CRPPA: variants seen among roughly 807,000 people sequenced by gnomAD.
CRPPA encodes the protein D-ribitol-5-phosphate cytidylyltransferase.
A neutral mutation model predicts 52.0 loss-of-function variants in CRPPA; 43 were observed. The ratio of observed to expected loss-of-function variants is 0.83; its 90% CI spans 0.65 to 1.07. The LOEUF (loss-of-function observed/expected upper bound fraction) is 1.07. Ranked by LOEUF, CRPPA falls within the 50% of genes least tolerant of loss-of-function variation. The pLI, the probability that CRPPA is intolerant of heterozygous loss-of-function variation, is 0.00. For missense variants in CRPPA, 629 were observed against 551.7 expected (o/e 1.14, Z -1.40); for synonymous variants, 250 against 203.5 (o/e 1.23, Z -1.94).
rs1241010922 is a variant in CRPPA at position 16,241,970 on chromosome 7, T to TTTTTTTTTTTG, written c.1119+16419_1119+16420insCAAAAAAAAAA. Among the ~76,000 whole-genome samples the TTTTTTTTTTTG allele has an allele frequency of 4.7e-4, 49 of 104,906 alleles. 7 individuals carry two copies. Among genetic ancestry groups the TTTTTTTTTTTG allele is most frequent in the East Asian group, 1.4e-3 (5 of 3,532 alleles). 68.8% of individuals were successfully genotyped at this position (104,906 alleles called of 152,430 possible). ...TCTTTTTTTTTTTTTTTTTTTTTTG[T>TTTTTTTTTTTG]TGGGGGGAGATAGAGTCTCGCTCTG... is the stretch of plus-strand genomic sequence containing the variant. On this transcript the variant is annotated intron_variant, in intron 8 of 9. Transcript: ENST00000407010.
intron 3 of CRPPA, among the ~76,000 whole-genome samples, chr7:16,327,897 C>T (rs1583522804): frequency 6.6e-6 from 1 of 152,178 alleles, no homozygotes; most frequent in East Asian, 1.9e-4. Flanking sequence ...CTAGGTGTGT[C>T]CCCAACACCA....
At chr7:16,238,795 CA>C (rs1221837512) in intron 8 of CRPPA, among the ~76,000 whole-genome samples, 1 of 151,976 alleles carries the variant, frequency 6.6e-6, no homozygotes, top group African/African-American at 2.4e-5. Context: ...CATATGAAAG[CA>C]AAAAGACTTC....
intron 9 of CRPPA, among the ~76,000 whole-genome samples, chr7:16,128,895 T>C (rs1782630746): frequency 6.6e-6 from 1 of 152,112 alleles, no homozygotes; most frequent in Non-Finnish European, 1.5e-5. Context: ...ATGATCCCAA[T>C]AACAGAAAAT....
chr7:16,342,782 A>AAAAAAAAAAAAAATAT (rs1554335212), intron 3 of CRPPA, among the ~76,000 whole-genome samples: 4 of 76,542 alleles, frequency 5.2e-5, no homozygotes, highest in South Asian at 2.9e-4. Flanking sequence ...AAAAAAAAAA[A>AAAAAAAAAAAAAATAT]ATATATATAT....
intron 8 of CRPPA, among the ~76,000 whole-genome samples, chr7:16,228,465 T>A (rs1782708140): frequency 6.6e-6 from 1 of 151,934 alleles, no homozygotes; most frequent in African/African-American, 2.4e-5. Flanking sequence ...TTAGAACTGC[T>A]TTTACTGTAT....
chr7:16,159,708 C>T lies in CRPPA; in HGVS notation c.1251+56358G>A, dbSNP rs367641527. Among the ~76,000 whole-genome samples the T allele has an allele frequency of 1.2e-4, 18 of 152,240 alleles. 1 individual carries two copies. The South Asian group carries it at 3.3e-3, about 28-fold the overall frequency. ...CTTCATAGCAGAATAATTTATAATC[C>T]TTTGGATATATACACAGTAATGGGA... On this transcript the variant is annotated intron_variant, in intron 9 of 9. Transcript: ENST00000407010.
intron 5 of CRPPA, among the ~76,000 whole-genome samples, chr7:16,283,530 T>C (rs1011391870): frequency 6.0e-5 from 9 of 150,960 alleles, no homozygotes; most frequent in Non-Finnish European, 1.0e-4. Context: ...TGTGTATATA[T>C]ATATCTATAG....
At chr7:16,401,859 C>A (rs1218482480) in intron 2 of CRPPA, among the ~76,000 whole-genome samples, 1 of 150,108 alleles carries the variant, frequency 6.7e-6, no homozygotes, top group Non-Finnish European at 1.5e-5. Context: ...ACACCTCTTT[C>A]ATTAAAAAAA....
At chr7:16,098,160 C>T (rs1388232720) in intron 9 of CRPPA, among the ~76,000 whole-genome samples, 1 of 152,110 alleles carries the variant, frequency 6.6e-6, no homozygotes, top group African/African-American at 2.4e-5. Flanking sequence ...GGTGGAATGC[C>T]ATCTCAAAGA....
chr7:16,334,671 C>T (rs914046105), intron 3 of CRPPA, among the ~76,000 whole-genome samples: 1 of 152,124 alleles, frequency 6.6e-6, no homozygotes, highest in East Asian at 1.9e-4. Flanking sequence ...ACAGCCTCAA[C>T]TGACGACAAA....
chr7:16,311,040 T>C (rs1785024147), intron 3 of CRPPA, among the ~76,000 whole-genome samples: 1 of 152,146 alleles, frequency 6.6e-6, no homozygotes, highest in African/African-American at 2.4e-5. Flanking sequence ...ACTTTAAATA[T>C]TAGGTTCATA....
At chr7:16,334,266 G>A (rs1785626097) in intron 3 of CRPPA, among the ~76,000 whole-genome samples, 1 of 152,192 alleles carries the variant, frequency 6.6e-6, no homozygotes, top group African/African-American at 2.4e-5. Context: ...CAGCGATTAT[G>A]TGCACAGGGG....
intron 3 of CRPPA, among the ~76,000 whole-genome samples, chr7:16,347,789 A>C (rs10243261): frequency 0.021 from 3,219 of 152,208 alleles, 106 homozygotes; most frequent in African/African-American, 0.072. Flanking sequence ...AATTCCCAGC[A>C]CCCAGCTTCT....
chr7:16,416,681 C>CAA lies in CRPPA; in HGVS notation c.257+4383_257+4384dup, dbSNP rs61476408. Reference sequence around the variant, plus strand: ...AAAACCCCATTTCTACAAACAAATACAAAAAAAAAAATTATCTGGGCATGG... The same window carrying CAA: ...AAAACCCCATTTCTACAAACAAATACAAAAAAAAAAAAATTATCTGGGCATGG... On this transcript the variant is annotated intron_variant, in intron 1 of 9. Transcript: ENST00000407010. Among the ~76,000 whole-genome samples the CAA allele has an allele frequency of 5.7e-3, 843 of 147,846 alleles. 9 individuals carry two copies. The highest frequency in any genetic ancestry group is 0.019 in the African/African-American group (776 of 40,292).
intron 2 of CRPPA, among the ~76,000 whole-genome samples, chr7:16,398,430 C>T (rs1268005379): frequency 6.6e-6 from 1 of 151,766 alleles, no homozygotes; most frequent in East Asian, 1.9e-4. Context: ...ACATGATTGA[C>T]GTGACCGAGG....
rs112706677 is a variant in CRPPA, at chr7:16,375,595, C to T, written c.684+497G>A. Among the ~76,000 whole-genome samples the T allele has an allele frequency of 6.9e-3, 1,057 of 152,228 alleles. 12 individuals carry two copies. The highest frequency in any genetic ancestry group is 0.025 in the African/African-American group (1,023 of 41,532). ...TAAAAAGACTGGCTTATAAGACAGG[C>T]CCTCAGCCAGCATCTGAGAATTAAC... is the stretch of plus-strand genomic sequence containing the variant. On this transcript the variant is annotated intron_variant, in intron 3 of 9. Coordinates refer to ENST00000407010, the MANE Select transcript of CRPPA (RefSeq NM_001101426.4).
chr7:16,401,652 T>C (rs562646776), intron 2 of CRPPA, among the ~76,000 whole-genome samples: 1 of 152,344 alleles, frequency 6.6e-6, no homozygotes, highest in Admixed American at 6.5e-5. Flanking sequence ...TGTTGGTCCT[T>C]CTTAAAATTA....
intron 5 of CRPPA, among the ~76,000 whole-genome samples, chr7:16,286,083 T>A (rs992031936): frequency 0.061 from 839 of 13,848 alleles, 92 homozygotes; most frequent in Non-Finnish European, 0.086. Flanking sequence ...ATATATATAA[T>A]ATTTAAAAAA....
chr7:16,096,567 A>T (rs900874613), intron 9 of CRPPA, among the ~76,000 whole-genome samples: 2 of 152,192 alleles, frequency 1.3e-5, no homozygotes, highest in East Asian at 3.8e-4. Flanking sequence ...TAGTAAAAAA[A>T]AAATTTGTTT....
Sources: gnomAD v4.1 joint callset for allele counts (sites outside exome capture counted in the v4.1 genomes callset) on GRCh38, gnomAD v4.1.1 for gene constraint, MANE v1.5 for transcripts, NCBI Gene and HGNC (gene_info 2026-07-23, HGNC 2026-07-21) for gene names.